The following PUM3 variants were observed in gnomAD, a reference collection of about 807,000 sequenced individuals.
The protein encoded by PUM3 is pumilio RNA binding family member 3.
A neutral mutation model predicts 84.0 loss-of-function variants in PUM3; 91 were observed. The ratio of observed to expected loss-of-function variants is 1.08; its 90% confidence interval spans 0.91 to 1.29. The LOEUF (loss-of-function observed/expected upper bound fraction) is 1.29. PUM3 is among the 50% of genes most tolerant of loss of function. PUM3 has a pLI of 0.00. For missense variants in PUM3, 1,067 were observed against 767.5 expected, an observed-to-expected ratio of 1.39 and a Z score of -4.61; for synonymous variants, 321 against 266.7, an observed-to-expected ratio of 1.20 and a Z score of -1.98.
chr9:2,804,435 C>G lies in PUM3; in HGVS notation c.1843G>C (p.Ala615Pro). 6.2e-7 allele frequency: 1 copy of G among 1,613,780 alleles called. No individual in the cohort carries two copies. Among genetic ancestry groups the G allele is most frequent in the South Asian group, 1.1e-5 (1 of 91,000 alleles). Residue 615 changes from alanine to proline, a missense_variant, in exon 18 of 18, where the codon GCA becomes CCA. Coordinates refer to ENST00000397885, the MANE Select transcript of PUM3 (RefSeq NM_014878.5). ...SLLQSCDLEV[A>P]NKVKAALKSL... ...TTCAGTGCAGCTTTGACTTTGTTTG[C>G]AACTTCCAGGTCACAACTCTGGAGG... is the stretch of plus-strand genomic sequence containing the variant.
chr9:2,817,620 A>G (rs1466181446), intron 13 of PUM3, among the ~76,000 whole-genome samples: 2 of 152,236 alleles, frequency 1.3e-5, no homozygotes, highest in Non-Finnish European at 2.9e-5. Context: ...AAAATAAAAA[A>G]TGTCCACATA....
At chr9:2,810,505 T>A (rs41272895) in intron 15 of PUM3, 74 bp from the exon 16 acceptor site, 43,309 of 1,016,496 alleles carry the variant, frequency 0.043, 1,122 homozygotes, top group East Asian at 0.098. Flanking sequence ...GAATACATAC[T>A]ATTTATGCCA....
At position 2,812,394 on chromosome 9, in the gene PUM3, A is replaced by G. The variant is rs1300102848; in HGVS notation, c.1270-32T>C. 4.9e-6 allele frequency: 7 copies of G among 1,434,540 alleles called. No individual in the cohort carries two copies. In the East Asian group the frequency reaches 7.0e-5, roughly 14 times the overall value. The allele number at this position is 1,434,540 out of a possible 1,614,324, so 88.9% of individuals were successfully genotyped here. ...AATTATAAACAAAAAAAAAGAATCA[A>G]TATCTGCATTCTCAAAACAAAGTAC... On this transcript the variant is annotated intron_variant, in intron 13 of 17. Transcript: ENST00000397885.
chr9:2,838,910 C>A (rs779060850), intron 1 of PUM3, among the ~76,000 whole-genome samples: 1 of 152,098 alleles, frequency 6.6e-6, no homozygotes, highest in East Asian at 1.9e-4. Flanking sequence ...CGCTTGATTT[C>A]TTGGAGCCTA....
In PUM3 at chr9:2,827,095, T is replaced by C. The variant is rs1220154991; in HGVS notation, c.1013A>G (p.Tyr338Cys). The C allele has an allele frequency of 7.5e-6, 12 of 1,609,450 alleles. No homozygotes were observed. Among genetic ancestry groups the C allele is most frequent in the African/African-American group, 2.7e-5 (2 of 74,656 alleles). Residue 338 changes from tyrosine to cysteine, a missense_variant, in exon 10 of 18, where the codon TAT (tyrosine) becomes TGT (cysteine). Tyr to Cys is a radical substitution (Grantham distance 194). Coordinates refer to ENST00000397885, the MANE Select transcript of PUM3 (RefSeq NM_014878.5). ...VHKVFLDFFTYAPPKLRSEMI... is the reference protein window; with the variant it reads ...VHKVFLDFFTCAPPKLRSEMI... Reference sequence around the variant, plus strand: ...TACTGATCTGAGTTTGGGGGGTGCATAGGTAAAAAAGTCCAAGAATACTTT... The same window carrying C: ...TACTGATCTGAGTTTGGGGGGTGCACAGGTAAAAAAGTCCAAGAATACTTT...
At chr9:2,815,956 C>T (rs1038032641) in intron 13 of PUM3, among the ~76,000 whole-genome samples, 3 of 152,174 alleles carry the variant, frequency 2.0e-5, no homozygotes, top group Non-Finnish European at 4.4e-5. Context: ...GACTGCCTTG[C>T]GCTGAACTCC....
At chr9:2,838,862 C>G (rs1328916585) in intron 1 of PUM3, among the ~76,000 whole-genome samples, 1 of 152,070 alleles carries the variant, frequency 6.6e-6, no homozygotes, top group Non-Finnish European at 1.5e-5. Flanking sequence ...CATTTTGTAA[C>G]CTGGGAAGAC....
At chr9:2,824,418 G>T (rs1312674720) in intron 11 of PUM3, among the ~76,000 whole-genome samples, 1 of 152,014 alleles carries the variant, frequency 6.6e-6, no homozygotes, top group Non-Finnish European at 1.5e-5. Context: ...AAAAGAGGAG[G>T]TACCAAAACC....
rs774859749 is a variant in PUM3 at position 2,820,002 on chromosome 9, C to G, written c.1269+16G>C. 3 of 1,530,710 alleles carry G rather than the reference C, an allele frequency of 2.0e-6. No homozygotes were observed. In the African/African-American group the frequency reaches 4.1e-5, roughly 21 times the overall value. 94.8% of individuals were successfully genotyped at this position (1,530,710 alleles called of 1,614,324 possible). A position where few individuals can be genotyped will look rare whatever the true frequency, so the allele number is the denominator to read the frequency against. ...TATCGATGTAACTTAAATTCAAGAC[C>G]ATCAGGATTACTTACTGATATGATT... On this transcript the variant is annotated intron_variant, in intron 13 of 17. Coordinates refer to ENST00000397885, the MANE Select transcript of PUM3 (RefSeq NM_014878.5).
At chr9:2,839,671 G>A (rs1816217248) in intron 1 of PUM3, among the ~76,000 whole-genome samples, 1 of 152,154 alleles carries the variant, frequency 6.6e-6, no homozygotes, top group African/African-American at 2.4e-5. Context: ...TTTGAAAAAT[G>A]GACAGTCCCT....
Position 2,829,903 on chromosome 9 carries a change from G to A in PUM3, c.723C>T (p.His241=), listed in dbSNP as rs573057088. 131 of 1,613,554 alleles carry A rather than the reference G, an allele frequency of 8.1e-5. 3 individuals carry two copies. In the South Asian group the frequency reaches 1.1e-3, roughly 13 times the overall value. ...CCGCATGCCGCAGCATCTTCCTCAC[G>A]TGGCCTTTAAAACTTCTGATTATCT... ...IAEIIRSFKG[H]VRKMLRHAEA... is the part of the protein sequence containing the mutation. The change falls in exon 8 of 18, where the codon CAC becomes CAT. Residue 241 remains histidine, a synonymous_variant. Transcript: ENST00000397885.
intron 14 of PUM3, 146 bp from the exon 15 acceptor site, chr9:2,811,729 A>G (rs1821378714): frequency 2.4e-5 from 15 of 636,568 alleles, no homozygotes; most frequent in South Asian, 1.8e-4. Context: ...CATGTAGACA[A>G]TAAGTGATAC....
Position 2,827,254 on chromosome 9 carries a change from T to C in PUM3, c.957-103A>G, listed in dbSNP as rs969523997. 3.5e-5 allele frequency: 25 copies of C among 715,050 alleles called. 1 individual carries two copies. Among genetic ancestry groups the C allele is most frequent in the Admixed American group, 1.4e-4 (4 of 28,426 alleles). 44.3% of individuals were successfully genotyped at this position (715,050 alleles called of 1,614,324 possible). ...CCTAAAGTAATCTAAACAAGTGAAA[T>C]GGTTTTACTGAATACAATTTGTCAT... On this transcript the variant is annotated intron_variant, in intron 9 of 17. Transcript: ENST00000397885.
intron 5 of PUM3, among the ~76,000 whole-genome samples, chr9:2,831,660 A>T (rs1815984967): frequency 6.6e-6 from 1 of 152,176 alleles, no homozygotes; most frequent in South Asian, 2.1e-4. Context: ...TATACTTCTC[A>T]TTTCTTTGAT....
chr9:2,807,780 G>T, intron 17 of PUM3, 34 bp downstream of exon 17: 1 of 1,355,700 alleles, frequency 7.4e-7, no homozygotes, highest in Non-Finnish European at 1.1e-6. Context: ...GCATGACCAG[G>T]CCCTGCTCAG....
chr9:2,833,272 T>A (rs1007611455), intron 5 of PUM3, 85 bp downstream of exon 5: 9 of 616,152 alleles, frequency 1.5e-5, no homozygotes, highest in Non-Finnish European at 2.3e-5. Flanking sequence ...AATGATAAGA[T>A]CATCTGTCAT....
In PUM3 at chr9:2,811,765, G is replaced by C. The variant is rs1821379709; in HGVS notation, c.1413-182C>G. 2.7e-5 allele frequency among the ~76,000 whole-genome samples: 4 copies of C among 149,582 alleles called. No individual in the cohort carries two copies. In the Admixed American group the frequency reaches 2.7e-4, roughly 10 times the overall value. ...GAGTATGTGTTCTGTTTTTAAAAAT[G>C]TTTGTGTCCCACGATCTGAATAGTG... On this transcript the variant is annotated intron_variant, in intron 14 of 17. Coordinates refer to ENST00000397885, the MANE Select transcript of PUM3 (RefSeq NM_014878.5).
chr9:2,830,581 T>C (rs754818758), intron 7 of PUM3, among the ~76,000 whole-genome samples: 2 of 152,194 alleles, frequency 1.3e-5, no homozygotes, highest in African/African-American at 2.4e-5. Flanking sequence ...AAATCATCCA[T>C]CATGTAAAAT....
chr9:2,807,501 G>C, intron 17 of PUM3, among the ~76,000 whole-genome samples: 1 of 148,208 alleles, frequency 6.7e-6, no homozygotes, highest in Admixed American at 6.9e-5. Context: ...TACACAGGAG[G>C]CTGAGATGGG....
Sources: gnomAD v4.1 joint callset for allele counts (sites outside exome capture counted in the v4.1 genomes callset) on GRCh38, gnomAD v4.1.1 for gene constraint, MANE v1.5 for transcripts, NCBI Gene and HGNC (gene_info 2026-07-23, HGNC 2026-07-21) for gene names.